CENPQ: variants seen among roughly 807,000 people sequenced by gnomAD.
CENPQ encodes centromere protein Q.
CENPQ carries 27 observed loss-of-function variants against 36.6 expected under a neutral mutation model. The observed-to-expected ratio is 0.74, with a 90% CI of 0.54 to 1.02. The LOEUF is 1.02. Among genes scored for constraint, CENPQ ranks in the 50% least tolerant of loss-of-function variants. The pLI is 0.00. For missense variants in CENPQ, 306 were observed against 301.8 expected (o/e 1.01, Z -0.10); for synonymous variants, 101 against 101.7 (o/e 0.99, Z 0.04).
intron 1 of CENPQ, among the ~76,000 whole-genome samples, chr6:49,466,963 G>A (rs1310783157): frequency 6.6e-6 from 1 of 152,136 alleles, no homozygotes; most frequent in Admixed American, 6.5e-5. Flanking sequence ...TTTGACCCAG[G>A]AGACATTTGG....
rs997469872 is a variant in CENPQ at position 49,487,697 on chromosome 6, T to C, written c.478-655T>C. On this transcript the variant is annotated intron_variant, in intron 6 of 8. Transcript: ENST00000335783. ...AGGACCATATTTGAAAGCAGTGCCA[T>C]GTTTAATACCCTTTAGAAACCTGGA... Among the ~76,000 whole-genome samples, 7 of 152,184 alleles carry C rather than the reference T, an allele frequency of 4.6e-5. No individual in the cohort carries two copies. In the South Asian group the frequency reaches 8.3e-4, roughly 18 times the overall value.
At position 49,470,236 on chromosome 6, in the gene CENPQ, G is replaced by C; in HGVS notation, c.60G>C (p.Lys20Asn). Residue 20 changes from lysine to asparagine, a missense_variant, in exon 2 of 9, where the codon AAG becomes AAC. Coordinates refer to ENST00000335783, the MANE Select transcript of CENPQ (RefSeq NM_018132.4). ...CTCAACAGTTAAAAAGAAATCCAAA[G>C]AGAAAAAAGGATAATGAGGAAGTTG... The part of the protein sequence containing the change: ...KNAQQLKRNP[K>N]RKKDNEEVVL... 1 of 1,606,392 alleles carries C rather than the reference G, an allele frequency of 6.2e-7. No homozygotes were observed. The highest frequency in any genetic ancestry group is 8.5e-7 in the Non-Finnish European group (1 of 1,175,820).
At chr6:49,473,729 T>C (rs1200805549) in intron 5 of CENPQ, among the ~76,000 whole-genome samples, 1 of 152,076 alleles carries the variant, frequency 6.6e-6, no homozygotes, top group East Asian at 1.9e-4. Context: ...GACTGGCAAA[T>C]TGGATAGAGT....
intron 5 of CENPQ, among the ~76,000 whole-genome samples, chr6:49,476,746 C>A (rs1462719643): frequency 4.6e-5 from 7 of 152,044 alleles, no homozygotes; most frequent in South Asian, 2.1e-4. Flanking sequence ...AACCCTATCA[C>A]AAAGTGGGCA....
chr6:49,470,316 A>G (rs2127423705), intron 2 of CENPQ, 38 bp downstream of exon 2: 4 of 1,339,254 alleles, frequency 3.0e-6, no homozygotes, highest in Non-Finnish European at 4.2e-6. Flanking sequence ...AGAAATCTTC[A>G]ACTGTGGCCA....
At chr6:49,471,221 C>T (rs1179794806) in intron 3 of CENPQ, among the ~76,000 whole-genome samples, 193 bp downstream of exon 3, 11 of 152,108 alleles carry the variant, frequency 7.2e-5, no homozygotes, top group African/African-American at 2.2e-4. Flanking sequence ...GCACCTCTGA[C>T]GAAATACTGT....
chr6:49,465,394 C>T (rs1581841248), intron 1 of CENPQ, among the ~76,000 whole-genome samples: 1 of 152,204 alleles, frequency 6.6e-6, no homozygotes, highest in Non-Finnish European at 1.5e-5. Context: ...CTTCAAGTCA[C>T]CACCCATATT....
At chr6:49,484,027 A>AT (rs1189091907) in intron 6 of CENPQ, among the ~76,000 whole-genome samples, 1 of 152,238 alleles carries the variant, frequency 6.6e-6, no homozygotes, top group Non-Finnish European at 1.5e-5. Flanking sequence ...CTATCTTAGT[A>AT]TTTTTAATTA....
chr6:49,477,912 C>T (rs1410304791), intron 5 of CENPQ, among the ~76,000 whole-genome samples: 1 of 152,058 alleles, frequency 6.6e-6, no homozygotes, highest in Non-Finnish European at 1.5e-5. Context: ...TAATATAGAA[C>T]AAATACTAAT....
rs1768744831 is a variant in CENPQ at position 49,492,411 on chromosome 6, G to A, written c.*136G>A. On this transcript the variant is annotated 3_prime_UTR_variant, in exon 9 of 9. Transcript: ENST00000335783. ...TCTCCTGATATGCACTTTAAAATTA[G>A]TCTTTGTAGTTCTATCATTAGCATC... The A allele has an allele frequency of 6.8e-6, 5 of 740,254 alleles. No individual in the cohort carries two copies. Among genetic ancestry groups the A allele is most frequent in the Non-Finnish European group, 1.0e-5 (5 of 490,390 alleles). 45.9% of individuals were successfully genotyped at this position (740,254 alleles called of 1,614,324 possible).
intron 3 of CENPQ, among the ~76,000 whole-genome samples, 167 bp downstream of exon 3, chr6:49,471,195 A>G (rs1243166173): frequency 6.6e-6 from 1 of 152,212 alleles, no homozygotes; most frequent in African/African-American, 2.4e-5. Context: ...ATTTTGGTCA[A>G]CTGAAATTTT....
At chr6:49,488,549 A>G in intron 7 of CENPQ, 58 bp from the exon 8 acceptor site, 3 of 1,595,618 alleles carry the variant, frequency 1.9e-6, no homozygotes, top group Non-Finnish European at 8.6e-7. Flanking sequence ...ACTTTCGAGT[A>G]TAATATGATG....
intron 8 of CENPQ, 72 bp downstream of exon 8, chr6:49,488,756 C>T (rs1768650946): frequency 8.3e-7 from 1 of 1,202,136 alleles, no homozygotes; most frequent in Non-Finnish European, 1.2e-6. Flanking sequence ...CAGACCACAG[C>T]AAAAAAGCAA....
rs767768466 is a variant in CENPQ at position 49,470,947 on chromosome 6, T to C, written c.103-27T>C. ...TTTATCTGATGTTTAATTCTGTTTATGTTTATGCATGTGTTTTTCCCTCTA... is the reference window on the plus strand; with the variant it reads ...TTTATCTGATGTTTAATTCTGTTTACGTTTATGCATGTGTTTTTCCCTCTA... On this transcript the variant is annotated intron_variant, in intron 2 of 8. Transcript: ENST00000335783. 16 of 1,342,198 alleles carry C rather than the reference T, an allele frequency of 1.2e-5. No homozygotes were observed. In the South Asian group the frequency reaches 2.4e-4, roughly 21 times the overall value. 83.1% of individuals were successfully genotyped at this position (1,342,198 alleles called of 1,614,324 possible).
chr6:49,473,101 C>T (rs1299322479), intron 5 of CENPQ, among the ~76,000 whole-genome samples: 1 of 152,130 alleles, frequency 6.6e-6, no homozygotes, highest in South Asian at 2.1e-4. Context: ...ACAGTTCACT[C>T]TTCCATATCA....
rs1371923246 is a variant in CENPQ at position 49,471,103 on chromosome 6, C to T, written c.157+75C>T. On this transcript the variant is annotated intron_variant, in intron 3 of 8. Coordinates refer to ENST00000335783, the MANE Select transcript of CENPQ (RefSeq NM_018132.4). The stretch of plus-strand genomic sequence containing the variant: ...TCTACATTCGTGAAAAAATGTTCAG[C>T]ATCTTGTTTATGAGTTCTGCAAAAG... 7.9e-6 allele frequency: 7 copies of T among 886,460 alleles called. No individual in the cohort carries two copies. In the African/African-American group the frequency reaches 1.2e-4, roughly 15 times the overall value. 54.9% of individuals were successfully genotyped at this position (886,460 alleles called of 1,614,324 possible). A position where few individuals can be genotyped will look rare whatever the true frequency, so the allele number is the denominator to read the frequency against.
At chr6:49,483,556 C>T (rs1363219340) in intron 6 of CENPQ, among the ~76,000 whole-genome samples, 3 of 152,208 alleles carry the variant, frequency 2.0e-5, no homozygotes, top group African/African-American at 7.2e-5. Flanking sequence ...GTCCCAAGCC[C>T]TGCCCCACAG....
chr6:49,473,418 C>T (rs939215373), intron 5 of CENPQ, among the ~76,000 whole-genome samples: 3 of 152,122 alleles, frequency 2.0e-5, no homozygotes, highest in African/African-American at 7.2e-5. Flanking sequence ...TTATAAGAAA[C>T]TAAGCTTCAT....
chr6:49,483,439 T>C (rs1377651907), intron 6 of CENPQ, among the ~76,000 whole-genome samples: 2 of 151,918 alleles, frequency 1.3e-5, no homozygotes, highest in East Asian at 3.9e-4. Flanking sequence ...AGCCCTTGGG[T>C]GGTCGATGGG....
Sources: allele counts gnomAD v4.1 joint callset (sites outside exome capture counted in the v4.1 genomes callset), GRCh38; gene constraint gnomAD v4.1.1; transcripts MANE v1.5; gene names NCBI Gene and HGNC (gene_info 2026-07-23, HGNC 2026-07-21).